DONSON: variants seen among roughly 807,000 people sequenced by gnomAD.
DONSON encodes protein downstream neighbor of Son.
A neutral mutation model predicts 62.1 loss-of-function variants in DONSON; 43 were observed. The ratio of observed to expected loss-of-function variants is 0.69; its 90% CI spans 0.54 to 0.89. DONSON has a LOEUF of 0.89. DONSON is among the 40% of genes least tolerant of loss of function. The pLI is 0.00. For missense variants in DONSON, 696 were observed against 697.5 expected, an observed-to-expected ratio of 1.00 and a Z score of 0.03; for synonymous variants, 266 against 264.6, an observed-to-expected ratio of 1.01 and a Z score of -0.05.
Position 33,579,558 on chromosome 21 carries a change from CG to C in DONSON, c.1354del (p.Arg452GlyfsTer3), listed in dbSNP as rs749838235. The stretch of plus-strand genomic sequence containing the variant: ...AGCTTGTGTCTTCACATTCACACTC[CG>C]TGCCTTCATGAAAATGTAAAGAAAA... ...RGATMQMLKARSVNVKTQALS... is the reference protein window; with the variant it reads ...RGATMQMLKAXSVNVKTQALS... On this transcript the variant is annotated frameshift_variant, in exon 9 of 10. Transcript: ENST00000303071. LOFTEE classifies it high-confidence loss of function. The C allele has an allele frequency of 6.2e-7, 1 of 1,609,820 alleles. No homozygotes were observed. Among genetic ancestry groups the C allele is most frequent in the South Asian group, 1.1e-5 (1 of 90,804 alleles).
At position 33,578,323 on chromosome 21, in the gene DONSON, T is replaced by C; in HGVS notation, c.1685A>G (p.Tyr562Cys). The change falls in exon 10 of 10, where the codon TAT (tyrosine) becomes TGT (cysteine). Residue 562 changes from tyrosine to cysteine, a missense_variant. Coordinates refer to ENST00000303071, the MANE Select transcript of DONSON (RefSeq NM_017613.4). ...CTTTGGTGTTCAGGATCTCCAATTATAAATGTAGTCTCTCAGCACCACATT... is the reference window on the plus strand; with the variant it reads ...CTTTGGTGTTCAGGATCTCCAATTACAAATGTAGTCTCTCAGCACCACATT... ...LRNVVLRDYI[Y>C]NWRS 12 of 1,613,726 alleles carry C rather than the reference T, an allele frequency of 7.4e-6. No homozygotes were observed. The highest frequency in any genetic ancestry group is 1.0e-5 in the Non-Finnish European group (12 of 1,179,842).
chr21:33,588,396 G>A lies in DONSON; in HGVS notation c.246C>T (p.Arg82=). The A allele has an allele frequency of 1.5e-6, 2 of 1,301,186 alleles. No homozygotes were observed. The highest frequency in any genetic ancestry group is 4.9e-5 in the South Asian group (2 of 40,760). 80.6% of individuals were successfully genotyped at this position (1,301,186 alleles called of 1,614,324 possible). Reference sequence around the variant, plus strand: ...CGGCGACCCGCGGTCGGTTGTCCAGGCGGGCGAAGGGGTTCCTCCGAGCAG... The same window carrying A: ...CGGCGACCCGCGGTCGGTTGTCCAGACGGGCGAAGGGGTTCCTCCGAGCAG... The part of the protein sequence containing the change: ...PAAARRNPFA[R]LDNRPRVAAE... The change falls in exon 1 of 10, where the codon CGC becomes CGT. Residue 82 remains arginine, a synonymous_variant. Coordinates refer to ENST00000303071, the MANE Select transcript of DONSON (RefSeq NM_017613.4).
chr21:33,581,309 AT>A lies in DONSON; in HGVS notation c.1342del (p.Met448CysfsTer7). 1 of 1,614,116 alleles carries A rather than the reference AT, an allele frequency of 6.2e-7. No individual in the cohort carries two copies. Among genetic ancestry groups the A allele is most frequent in the Non-Finnish European group, 8.5e-7 (1 of 1,180,002 alleles). Reference sequence around the variant, plus strand: ...TATGCAGACTTTTATTACCTTAAGCATTTGCATTGTGGCACCTCGGAAAGCA... The same window carrying A: ...TATGCAGACTTTTATTACCTTAAGCATTGCATTGTGGCACCTCGGAAAGCA... ...PVAFRGATMQ[M>X]LKARSVNVKT... is the part of the protein sequence containing the mutation. On this transcript the variant is annotated frameshift_variant, in exon 8 of 10. Transcript: ENST00000303071. LOFTEE classifies it high-confidence loss of function.
Position 33,583,594 on chromosome 21 carries a change from A to G in DONSON, c.858T>C (p.Tyr286=). The change falls in exon 5 of 10, where the codon TAT becomes TAC. Residue 286 remains tyrosine, a synonymous_variant. Transcript: ENST00000303071. ...CTGCTCGGAACAGGACAGTAAACTG[A>G]TAGGTACAAACGTAGAAATAGGGGC... is the stretch of plus-strand genomic sequence containing the variant. The part of the protein sequence containing the change: ...KLCPYFYVCT[Y]QFTVLFRAAG... 1 of 1,614,014 alleles carries G rather than the reference A, an allele frequency of 6.2e-7. No individual in the cohort carries two copies.
Position 33,577,651 on chromosome 21 carries a change from A to C in DONSON, c.*656T>G, listed in dbSNP as rs1601307329. 3.6e-5 allele frequency: 3 copies of C among 83,776 alleles called. No homozygotes were observed. The highest frequency in any genetic ancestry group is 4.0e-4 in the South Asian group (1 of 2,494). 5.2% of individuals were successfully genotyped at this position (83,776 alleles called of 1,614,324 possible). A position where few individuals can be genotyped will look rare whatever the true frequency, so the allele number is the denominator to read the frequency against. On this transcript the variant is annotated 3_prime_UTR_variant, in exon 10 of 10. Coordinates refer to ENST00000303071, the MANE Select transcript of DONSON (RefSeq NM_017613.4). ...CACACACACACACACACACACACAC[A>C]CACACACACACACACACACACACAC...
At chr21:33,584,017 TATA>T (rs1266654843) in intron 4 of DONSON, among the ~76,000 whole-genome samples, 7 of 24,774 alleles carry the variant, frequency 2.8e-4, no homozygotes, top group African/African-American at 6.9e-4. Flanking sequence ...TGCGTGTTTA[TATA>T]TATATATATA....
intron 3 of DONSON, among the ~76,000 whole-genome samples, 200 bp from the exon 4 acceptor site, chr21:33,584,968 T>G (rs1382363542): frequency 6.6e-6 from 1 of 152,168 alleles, no homozygotes; most frequent in African/African-American, 2.4e-5. Context: ...TATCAGAACA[T>G]TTAAACATAG....
chr21:33,587,501 A>C, intron 2 of DONSON, 21 bp downstream of exon 2: 1 of 1,560,218 alleles, frequency 6.4e-7, no homozygotes, highest in Non-Finnish European at 8.6e-7. Context: ...ACACATTCTA[A>C]TGATATTTAA....
intron 6 of DONSON, 50 bp from the exon 7 acceptor site, chr21:33,582,105 C>A (rs375424429): frequency 1.3e-4 from 207 of 1,611,578 alleles, no homozygotes; most frequent in Non-Finnish European, 1.7e-4. Flanking sequence ...TGTTCCTGTG[C>A]AAATCTATTT....
chr21:33,580,057 C>T (rs1412699233), intron 8 of DONSON, among the ~76,000 whole-genome samples: 1 of 151,290 alleles, frequency 6.6e-6, no homozygotes, highest in African/African-American at 2.4e-5. Context: ...ATTAGCCAGG[C>T]ATGGTGGTGT....
chr21:33,585,359 T>A (rs192344688), intron 3 of DONSON, among the ~76,000 whole-genome samples: 1 of 150,774 alleles, frequency 6.6e-6, no homozygotes, highest in Non-Finnish European at 1.5e-5. Flanking sequence ...TAGCTGGGAC[T>A]ACAGGCACCC....
chr21:33,583,765 A>C (rs1038999389), intron 4 of DONSON, 99 bp from the exon 5 acceptor site: 1 of 973,606 alleles, frequency 1.0e-6, no homozygotes, highest in African/African-American at 1.7e-5. Context: ...AAAACACAAC[A>C]CAAATATTTT....
In DONSON at chr21:33,578,206, T is replaced by A; in HGVS notation, c.*101A>T. 7.7e-7 allele frequency: 1 copy of A among 1,305,248 alleles called. No individual in the cohort carries two copies. The highest frequency in any genetic ancestry group is 1.1e-6 in the Non-Finnish European group (1 of 950,020). 80.9% of individuals were successfully genotyped at this position (1,305,248 alleles called of 1,614,324 possible). ...AGATGCTACTGTAGTAAAAGTTATG[T>A]TTATAAACATTTCAGTATATTCCTT... On this transcript the variant is annotated 3_prime_UTR_variant, in exon 10 of 10. Transcript: ENST00000303071.
rs1474227968 is a variant in DONSON, at chr21:33,579,369, A to G, written c.1544T>C (p.Met515Thr). The G allele has an allele frequency of 6.2e-7, 1 of 1,605,928 alleles. No homozygotes were observed. Among genetic ancestry groups the G allele is most frequent in the East Asian group, 2.2e-5 (1 of 44,714 alleles). ...ACTTACCATATCAAGTACTTTGTCC[A>G]TTTGCAGGCAGATGTTAAATACAGC... ...PTAVFNICLQMDKVLDMEVVH... is the reference protein window; with the variant it reads ...PTAVFNICLQTDKVLDMEVVH... Residue 515 changes from methionine (M) to threonine (T), a missense_variant, in exon 9 of 10, where the codon ATG becomes ACG. By Grantham distance (81) the Met-to-Thr change is moderately conservative (BLOSUM62 -1). Coordinates refer to ENST00000303071, the MANE Select transcript of DONSON (RefSeq NM_017613.4).
intron 3 of DONSON, 65 bp from the exon 4 acceptor site, chr21:33,584,833 C>T: frequency 1.6e-6 from 2 of 1,288,104 alleles, no homozygotes; most frequent in South Asian, 4.1e-5. Flanking sequence ...TTATTAAAGA[C>T]AATCTTTACC....
intron 5 of DONSON, among the ~76,000 whole-genome samples, chr21:33,582,941 C>A (rs1430996656): frequency 6.6e-6 from 1 of 152,008 alleles, no homozygotes; most frequent in African/African-American, 2.4e-5. Flanking sequence ...GTGGCTCACG[C>A]CTGTAAGCCC....
intron 9 of DONSON, 87 bp from the exon 10 acceptor site, chr21:33,578,531 T>A: frequency 7.4e-7 from 1 of 1,359,364 alleles, no homozygotes; most frequent in Middle Eastern, 2.1e-4. Context: ...GACTGACAAA[T>A]AAATGGCTGA....
Position 33,579,360 on chromosome 21 carries a change from A to G in DONSON, c.1553T>C (p.Val518Ala). The change falls in exon 9 of 10, where the codon GTA (valine) becomes GCA (alanine). Residue 518 changes from valine to alanine, a missense_variant. Val to Ala is a moderately conservative substitution (Grantham distance 64). Transcript: ENST00000303071. ...VFNICLQMDK[V>A]LDMEVVHKEL... ...TAGGTGTCTACTTACCATATCAAGT[A>G]CTTTGTCCATTTGCAGGCAGATGTT... The G allele has an allele frequency of 6.2e-7, 1 of 1,603,596 alleles. No homozygotes were observed. The highest frequency in any genetic ancestry group is 8.5e-7 in the Non-Finnish European group (1 of 1,172,604).
chr21:33,586,224 A>G, intron 2 of DONSON, 43 bp from the exon 3 acceptor site: 1 of 1,530,632 alleles, frequency 6.5e-7, no homozygotes, highest in Non-Finnish European at 9.0e-7. Context: ...AGTATCAAGA[A>G]AAAACCTTCA....
Sources: gnomAD v4.1 joint callset for allele counts (sites outside exome capture counted in the v4.1 genomes callset) on GRCh38, gnomAD v4.1.1 for gene constraint, MANE v1.5 for transcripts, NCBI Gene and HGNC (gene_info 2026-07-23, HGNC 2026-07-21) for gene names.